EDEM3: variants seen among roughly 807,000 people sequenced by gnomAD.
EDEM3 encodes the protein ER degradation enhancing alpha-mannosidase like protein 3.
Under a neutral mutation model 110.2 loss-of-function variants are expected in EDEM3, and 60 were observed. That is an observed-to-expected ratio of 0.54 (90% confidence interval 0.44 to 0.67). The LOEUF is 0.67. EDEM3 is among the 30% of genes least tolerant of loss of function. The probability of loss-of-function intolerance (pLI) is 0.00; values close to 1 mark genes in which losing one functional copy is unlikely to be tolerated. For synonymous variants in EDEM3, 352 were observed against 382.9 expected (o/e 0.92, Z 0.94); for missense variants, 996 against 1,121.0 (o/e 0.89, Z 1.59).
intron 6 of EDEM3, 112 bp downstream of exon 6, chr1:184,732,725 A>ATTT: frequency 9.4e-7 from 1 of 1,062,068 alleles, no homozygotes; most frequent in Non-Finnish European, 1.3e-6. Flanking sequence ...GCTTTGAAGC[A>ATTT]TTTTTTTTTC....
intron 2 of EDEM3, among the ~76,000 whole-genome samples, chr1:184,739,510 G>C (rs553138609): frequency 9.9e-5 from 15 of 151,860 alleles, no homozygotes; most frequent in African/African-American, 3.4e-4. Context: ...AACTGAATTT[G>C]GGGAGAATTG....
intron 9 of EDEM3, chr1:184,721,073 G>A: frequency 2.3e-6 from 1 of 425,698 alleles, no homozygotes; most frequent in Non-Finnish European, 4.2e-6. Flanking sequence ...CAAAGTTTCT[G>A]ATAAAAGGTG....
chr1:184,698,426 G>A (rs1649441199), intron 19 of EDEM3, among the ~76,000 whole-genome samples: 2 of 151,784 alleles, frequency 1.3e-5, no homozygotes, highest in Admixed American at 1.3e-4. Flanking sequence ...CAGTGATAAT[G>A]CAAAACATAA....
rs1195572878 is a variant in EDEM3, at chr1:184,694,011, CA to C, written c.*51del. 2 of 1,554,314 alleles carry C rather than the reference CA, an allele frequency of 1.3e-6. No homozygotes were observed. The highest frequency in any genetic ancestry group is 4.5e-5 in the East Asian group (2 of 44,510). ...TTAGTATTAGGATGTCTATTAACCA[CA>C]CACAGTTTACCTTTTCTTTTTAAAT... On this transcript the variant is annotated 3_prime_UTR_variant, in exon 20 of 20. Coordinates refer to ENST00000318130, the MANE Select transcript of EDEM3 (RefSeq NM_025191.4).
chr1:184,727,222 G>A (rs1412835958), intron 6 of EDEM3, among the ~76,000 whole-genome samples: 1 of 152,182 alleles, frequency 6.6e-6, no homozygotes, highest in East Asian at 1.9e-4. Context: ...CTTGGGAGGT[G>A]GAGGTTGCAG....
At chr1:184,744,608 C>T (rs1338457643) in intron 2 of EDEM3, among the ~76,000 whole-genome samples, 3 of 151,996 alleles carry the variant, frequency 2.0e-5, no homozygotes, top group African/African-American at 7.2e-5. Flanking sequence ...CTTGCACTCA[C>T]AGGTTGACAG....
chr1:184,728,181 A>G (rs1651295354), intron 6 of EDEM3, among the ~76,000 whole-genome samples: 1 of 152,218 alleles, frequency 6.6e-6, no homozygotes, highest in Admixed American at 6.5e-5. Flanking sequence ...ATCCAGACAG[A>G]GCAAATAAGA....
Position 184,711,750 on chromosome 1 carries a change from T to G in EDEM3, c.1664A>C (p.Lys555Thr), listed in dbSNP as rs1196095780. ...IREPLKNVVD[K>T]SCPRGIIRVE... ...TCTGATGATGCCTCTAGGACAGCTC[T>G]TATCCACCACATTTTTCAAGGGCTC... Residue 555 changes from lysine (K) to threonine (T), a missense_variant, in exon 15 of 20, where the codon AAG (lysine) becomes ACG (threonine). Coordinates refer to ENST00000318130, the MANE Select transcript of EDEM3 (RefSeq NM_025191.4). 1 of 1,612,772 alleles carries G rather than the reference T, an allele frequency of 6.2e-7. No individual in the cohort carries two copies. Among genetic ancestry groups the G allele is most frequent in the Admixed American group, 1.7e-5 (1 of 59,898 alleles).
At chr1:184,711,379 C>T (rs903784217) in intron 15 of EDEM3, among the ~76,000 whole-genome samples, 1 of 152,078 alleles carries the variant, frequency 6.6e-6, no homozygotes, top group African/African-American at 2.4e-5. Context: ...AGATTACAGG[C>T]GTGAGCTATC....
intron 11 of EDEM3, among the ~76,000 whole-genome samples, chr1:184,718,265 A>T (rs867084322): frequency 5.3e-5 from 8 of 152,128 alleles, no homozygotes; most frequent in African/African-American, 1.9e-4. Context: ...AAATTAGTCT[A>T]TTTGAAATTT....
rs1649155080 is a variant in EDEM3 at position 184,693,329 on chromosome 1, G to C, written c.*734C>G. ...TTCTCCCTTACTCCATTTTTCAGAA[G>C]TATTAAGTAAGCAATCTCCACAATG... On this transcript the variant is annotated 3_prime_UTR_variant, in exon 20 of 20. Coordinates refer to ENST00000318130, the MANE Select transcript of EDEM3 (RefSeq NM_025191.4). 1 of 153,566 alleles carries C rather than the reference G, an allele frequency of 6.5e-6. No homozygotes were observed. The highest frequency in any genetic ancestry group is 6.5e-5 in the Admixed American group (1 of 15,270). 9.5% of individuals were successfully genotyped at this position (153,566 alleles called of 1,614,324 possible). A position where few individuals can be genotyped will look rare whatever the true frequency, so the allele number is the denominator to read the frequency against.
At chr1:184,718,565 A>G (rs1284579728) in intron 11 of EDEM3, among the ~76,000 whole-genome samples, 2 of 152,144 alleles carry the variant, frequency 1.3e-5, no homozygotes, top group African/African-American at 4.8e-5. Flanking sequence ...CCATACACAC[A>G]TTTGGAAATT....
At chr1:184,746,965 T>C (rs889884974) in intron 2 of EDEM3, among the ~76,000 whole-genome samples, 4 of 151,620 alleles carry the variant, frequency 2.6e-5, no homozygotes, top group African/African-American at 9.7e-5. Flanking sequence ...TATTTTTAAT[T>C]AAGTTTATTA....
chr1:184,720,465 C>T (rs1046032323), intron 9 of EDEM3: 4 of 151,674 alleles, frequency 2.6e-5, no homozygotes, highest in African/African-American at 2.4e-5. Flanking sequence ...GTCACAAAAC[C>T]CGTAGGTGGT....
chr1:184,697,516 T>G (rs1649392862), intron 19 of EDEM3, among the ~76,000 whole-genome samples: 2 of 151,730 alleles, frequency 1.3e-5, no homozygotes, highest in Admixed American at 6.6e-5. Context: ...AATAAACACA[T>G]TAGTAGAAGA....
At position 184,723,860 on chromosome 1, in the gene EDEM3, T is replaced by C. The variant is rs746281851; in HGVS notation, c.748-4A>G. 7.3e-7 allele frequency: 1 copy of C among 1,369,888 alleles called. No homozygotes were observed. Among genetic ancestry groups the C allele is most frequent in the Non-Finnish European group, 9.4e-7 (1 of 1,065,808 alleles). 84.9% of individuals were successfully genotyped at this position (1,369,888 alleles called of 1,614,324 possible). A position where few individuals can be genotyped will look rare whatever the true frequency, so the allele number is the denominator to read the frequency against. On this transcript the variant is annotated splice_polypyrimidine_tract_variant and splice_region_variant and intron_variant, in intron 7 of 19. Coordinates refer to ENST00000318130, the MANE Select transcript of EDEM3 (RefSeq NM_025191.4). ...CAAGAGCTTTTCTGGCATATTCCTG[T>C]AATTTAAAAAAAAAAAAAAAAAAAA...
chr1:184,708,226 TG>T lies in EDEM3; in HGVS notation c.1963del (p.His655ThrfsTer7). ...CAATACTACCCTGCCAAAAAATGGG[TG>T]GGAAACAATTTGTACAGCTCGTGGA... The part of the protein sequence containing the change: ...LPPRAVQIVS[H>X]PFFGRVVLTA... On this transcript the variant is annotated frameshift_variant, in exon 17 of 20. Transcript: ENST00000318130. LOFTEE classifies it high-confidence loss of function. 1 of 1,613,746 alleles carries T rather than the reference TG, an allele frequency of 6.2e-7. No individual in the cohort carries two copies. Among genetic ancestry groups the T allele is most frequent in the East Asian group, 2.2e-5 (1 of 44,856 alleles).
intron 6 of EDEM3, among the ~76,000 whole-genome samples, chr1:184,732,069 G>A (rs894263180): frequency 5.9e-5 from 9 of 152,010 alleles, no homozygotes; most frequent in East Asian, 5.8e-4. Context: ...CCAGCTACTC[G>A]GGAGGCTGAG....
Position 184,703,015 on chromosome 1 carries a change from C to T in EDEM3, c.2204-19G>A, listed in dbSNP as rs989512063. ...TTGTCATCTAGCCAGAAAATAAATA[C>T]AGCAAACATCAAAATATCCAGCCAT... On this transcript the variant is annotated intron_variant, in intron 18 of 19. Transcript: ENST00000318130. The T allele has an allele frequency of 3.9e-6, 6 of 1,557,608 alleles. No individual in the cohort carries two copies. Among genetic ancestry groups the T allele is most frequent in the African/African-American group, 2.8e-5 (2 of 72,438 alleles).
Sources: allele counts gnomAD v4.1 joint callset (sites outside exome capture counted in the v4.1 genomes callset), GRCh38; gene constraint gnomAD v4.1.1; transcripts MANE v1.5; gene names NCBI Gene and HGNC (gene_info 2026-07-23, HGNC 2026-07-21).